The following FANCC variants were observed in gnomAD, a reference collection of about 807,000 sequenced individuals.
The protein encoded by FANCC is FA complementation group C, also known as Fanconi anemia group C protein.
In FANCC, 55 loss-of-function variants were observed where a neutral mutation model predicts 71.3. The ratio of observed to expected loss-of-function variants is 0.77; its 90% CI spans 0.62 to 0.97. FANCC has a LOEUF of 0.97. Ranked by LOEUF, FANCC falls within the 50% of genes least tolerant of loss-of-function variation. The pLI is 0.00. For synonymous variants in FANCC, 275 were observed against 244.9 expected (o/e 1.12, Z -1.15); for missense variants, 678 against 670.9 (o/e 1.01, Z -0.12).
At chr9:95,169,996 T>G (rs553199378) in intron 6 of FANCC, among the ~76,000 whole-genome samples, 1 of 152,350 alleles carries the variant, frequency 6.6e-6, no homozygotes, top group East Asian at 1.9e-4. Flanking sequence ...TTCTATTTGT[T>G]AACAGATTTT....
intron 4 of FANCC, among the ~76,000 whole-genome samples, chr9:95,217,927 C>T (rs1245775117): frequency 6.6e-6 from 1 of 152,124 alleles, no homozygotes; most frequent in African/African-American, 2.4e-5. Flanking sequence ...GACATCATTA[C>T]ATATCCTACA....
intron 4 of FANCC, among the ~76,000 whole-genome samples, chr9:95,238,458 T>G (rs1321640588): frequency 6.6e-6 from 1 of 152,176 alleles, no homozygotes. Context: ...ATCACTACAA[T>G]AGCTTCCAAC....
At chr9:95,177,084 C>A (rs1409665983) in intron 4 of FANCC, among the ~76,000 whole-genome samples, 1 of 152,216 alleles carries the variant, frequency 6.6e-6, no homozygotes, top group East Asian at 1.9e-4. Context: ...GGGATACATT[C>A]TGAGAAATGC....
rs1827865259 is a variant in FANCC at position 95,202,484 on chromosome 9, T to C, written c.346-30337A>G. 2.0e-5 allele frequency among the ~76,000 whole-genome samples: 3 copies of C among 152,186 alleles called. No individual in the cohort carries two copies. The South Asian group carries it at 6.2e-4, about 32-fold the overall frequency. ...TGCCTCTAGAACGAGGCAGCTTTTC[T>C]AGCACAGGTTAGGAGTGAGGCAGCT... On this transcript the variant is annotated intron_variant, in intron 4 of 14. Transcript: ENST00000289081.
chr9:95,114,092 A>C (rs530315170), intron 12 of FANCC: 215 of 189,224 alleles, frequency 1.1e-3, no homozygotes, highest in Non-Finnish European at 1.9e-3. Context: ...ATCTCTAAAA[A>C]TTTAAAACAA....
chr9:95,299,835 A>AG (rs1290901971), intron 1 of FANCC, among the ~76,000 whole-genome samples: 1 of 152,182 alleles, frequency 6.6e-6, no homozygotes, highest in Non-Finnish European at 1.5e-5. Flanking sequence ...CACTCCAGGC[A>AG]GGGAGACAGA....
At chr9:95,267,478 G>A (rs1489159087) in intron 1 of FANCC, among the ~76,000 whole-genome samples, 1 of 152,164 alleles carries the variant, frequency 6.6e-6, no homozygotes, top group Non-Finnish European at 1.5e-5. Context: ...GAGGGAGAAA[G>A]AGGCGAAAAA....
At chr9:95,317,350 C>T (rs1231134004) in intron 1 of FANCC, 176 bp downstream of exon 1, 1 of 152,140 alleles carries the variant, frequency 6.6e-6, no homozygotes, top group Non-Finnish European at 1.5e-5. Context: ...GCCTTAGCCA[C>T]AGCCCTGCGC....
At chr9:95,311,951 A>G (rs983301653) in intron 1 of FANCC, among the ~76,000 whole-genome samples, 5 of 152,166 alleles carry the variant, frequency 3.3e-5, no homozygotes, top group Non-Finnish European at 7.3e-5. Flanking sequence ...AGATAATGAG[A>G]AGTACAGTCA....
chr9:95,242,479 CAAAAA>C (rs1162048314), intron 3 of FANCC, among the ~76,000 whole-genome samples: 4 of 56,240 alleles, frequency 7.1e-5, no homozygotes, highest in African/African-American at 1.3e-4. Context: ...CATTCACCAC[CAAAAA>C]AAAAAAAAAA....
chr9:95,200,725 A>G (rs1007378132), intron 4 of FANCC, among the ~76,000 whole-genome samples: 8 of 152,246 alleles, frequency 5.3e-5, no homozygotes, highest in African/African-American at 1.9e-4. Flanking sequence ...ATTAAAATCT[A>G]AAGTATTAAT....
At chr9:95,109,188 AG>A (rs2071710488) in intron 13 of FANCC, among the ~76,000 whole-genome samples, 1 of 152,230 alleles carries the variant, frequency 6.6e-6, no homozygotes, top group African/African-American at 2.4e-5. Context: ...CTGAGATTAC[AG>A]GCATGAACCA....
rs114216278 is a variant in FANCC, at chr9:95,227,508, C to A, written c.345+13141G>T. The stretch of plus-strand genomic sequence containing the variant: ...AGTTCCTAAGACAGGAGACGACTGA[C>A]AGAAGTGTTATTAGTCTCCTAAAAC... On this transcript the variant is annotated intron_variant, in intron 4 of 14. Transcript: ENST00000289081. 8.8e-3 allele frequency among the ~76,000 whole-genome samples: 1,342 copies of A among 152,308 alleles called. 23 individuals are homozygous for A. Among genetic ancestry groups the A allele is most frequent in the African/African-American group, 0.031 (1,276 of 41,554 alleles).
intron 6 of FANCC, among the ~76,000 whole-genome samples, chr9:95,168,178 C>G (rs962666402): frequency 6.6e-6 from 1 of 152,186 alleles, no homozygotes; most frequent in African/African-American, 2.4e-5. Flanking sequence ...CTCTCTTGTT[C>G]CAAACTACGC....
intron 7 of FANCC, among the ~76,000 whole-genome samples, chr9:95,143,326 C>T (rs1258197259): frequency 6.6e-6 from 1 of 152,148 alleles, no homozygotes; most frequent in Non-Finnish European, 1.5e-5. Flanking sequence ...TTATGGAGGT[C>T]TCACAATGTA....
intron 4 of FANCC, among the ~76,000 whole-genome samples, chr9:95,198,839 G>A (rs567974116): frequency 6.6e-6 from 1 of 152,226 alleles, no homozygotes; most frequent in South Asian, 2.1e-4. Flanking sequence ...CTGGGCTCAG[G>A]TGATCCTCCC....
chr9:95,204,812 A>C (rs1273766640), intron 4 of FANCC, among the ~76,000 whole-genome samples: 1 of 152,086 alleles, frequency 6.6e-6, no homozygotes, highest in East Asian at 1.9e-4. Context: ...TTGCACCCAG[A>C]CTCTGGAGTT....
chr9:95,146,017 T>C (rs1829492673), intron 7 of FANCC, among the ~76,000 whole-genome samples: 1 of 151,672 alleles, frequency 6.6e-6, no homozygotes, highest in Admixed American at 6.6e-5. Flanking sequence ...GGAAGAAAAA[T>C]TCTAAGACAA....
intron 4 of FANCC, among the ~76,000 whole-genome samples, chr9:95,215,180 G>C (rs551684018): frequency 6.6e-6 from 1 of 152,282 alleles, no homozygotes; most frequent in Admixed American, 6.5e-5. Context: ...ACAGATCACT[G>C]CTTCTGCAGT....
Sources: gnomAD v4.1 joint callset for allele counts (sites outside exome capture counted in the v4.1 genomes callset) on GRCh38, gnomAD v4.1.1 for gene constraint, MANE v1.5 for transcripts, NCBI Gene and HGNC (gene_info 2026-07-23, HGNC 2026-07-21) for gene names.